ZNF239: variants seen among roughly 807,000 people sequenced by gnomAD.
ZNF239 encodes zinc finger protein (C2H2) homologous to mouse MOK-2.
Under a neutral mutation model 27.5 loss-of-function variants are expected in ZNF239, and 16 were observed. The observed-to-expected ratio is 0.58, with a 90% CI of 0.39 to 0.88. The LOEUF is 0.88. ZNF239 is among the 40% of genes least tolerant of loss of function. ZNF239 has a pLI of 0.00. For synonymous variants in ZNF239, 199 were observed against 192.6 expected (o/e 1.03, Z -0.27); for missense variants, 527 against 551.9 (o/e 0.95, Z 0.45).
intron 3 of ZNF239, among the ~76,000 whole-genome samples, chr10:43,562,550 C>T (rs11238589): frequency 0.027 from 4,042 of 152,174 alleles, 178 homozygotes; most frequent in African/African-American, 0.093. Context: ...TTATTGTTTA[C>T]ATGAGAGAGA....
At chr10:43,568,117 G>C in intron 2 of ZNF239, 96 bp from the exon 3 acceptor site, 2 of 985,618 alleles carry the variant, frequency 2.0e-6, no homozygotes, top group Non-Finnish European at 2.4e-6. Flanking sequence ...AGGTAAGAAA[G>C]GTATAGAAGA....
chr10:43,569,992 G>T (rs1837930873), intron 2 of ZNF239, among the ~76,000 whole-genome samples: 1 of 152,110 alleles, frequency 6.6e-6, no homozygotes. Context: ...ACTTATATCT[G>T]CACAGTGCAT....
chr10:43,557,394 T>G lies in ZNF239; in HGVS notation c.686A>C (p.His229Pro), dbSNP rs771485752. Residue 229 changes from histidine to proline, a missense_variant, in exon 4 of 4, where the codon CAC becomes CCC. His to Pro is a moderately conservative substitution (Grantham distance 77, BLOSUM62 -2). Transcript: ENST00000374446. Reference sequence around the variant, plus strand: ...ACATTTGTAGGGTTTTTCTTCTGTGTGGTCTCTCTGATGAAGTAGTAGCTC... The same window carrying G: ...ACATTTGTAGGGTTTTTCTTCTGTGGGGTCTCTCTGATGAAGTAGTAGCTC... Reference protein sequence around the residue: ...SSELLLHQRDHTEEKPYKCEQ... With the variant: ...SSELLLHQRDPTEEKPYKCEQ... 10 of 1,614,120 alleles carry G rather than the reference T, an allele frequency of 6.2e-6. No homozygotes were observed. The highest frequency in any genetic ancestry group is 8.5e-6 in the Non-Finnish European group (10 of 1,180,054).
In ZNF239 at chr10:43,558,180, C is replaced by T. The variant is rs1316736821; in HGVS notation, c.-92-9G>A. On this transcript the variant is annotated splice_polypyrimidine_tract_variant and intron_variant, in intron 3 of 3. Coordinates refer to ENST00000374446, the MANE Select transcript of ZNF239 (RefSeq NM_001099282.2). The stretch of plus-strand genomic sequence containing the variant: ...ATTTTCATTCAAGTCTCCTAGGGAA[C>T]AAAGACAATTCAGTGGTAAGAACAA... The T allele has an allele frequency of 6.8e-7, 1 of 1,469,908 alleles. No individual in the cohort carries two copies. The highest frequency in any genetic ancestry group is 9.0e-7 in the Non-Finnish European group (1 of 1,109,828). The allele number at this position is 1,469,908 out of a possible 1,614,324, so 91.1% of individuals were successfully genotyped here. A position where few individuals can be genotyped will look rare whatever the true frequency, so the allele number is the denominator to read the frequency against.
At chr10:43,565,820 A>G (rs1309116124) in intron 3 of ZNF239, among the ~76,000 whole-genome samples, 6 of 53,714 alleles carry the variant, frequency 1.1e-4, no homozygotes, top group African/African-American at 4.2e-4. Flanking sequence ...ATCTCAAGAA[A>G]AAAAAAAAAA....
chr10:43,557,585 G>A lies in ZNF239; in HGVS notation c.495C>T (p.Val165=). ...KDIHGWKSQV[V]SCSQQRAHTE... Reference sequence around the variant, plus strand: ...TATGAGCTCTCTGCTGACTACAACTGACCACCTGTGATTTCCATCCATGAA... The same window carrying A: ...TATGAGCTCTCTGCTGACTACAACTAACCACCTGTGATTTCCATCCATGAA... Residue 165 remains valine, a synonymous_variant, in exon 4 of 4, where the codon GTC becomes GTT. Transcript: ENST00000374446. 1 of 1,614,104 alleles carries A rather than the reference G, an allele frequency of 6.2e-7. No individual in the cohort carries two copies. The highest frequency in any genetic ancestry group is 8.5e-7 in the Non-Finnish European group (1 of 1,180,050).
chr10:43,571,974 G>A (rs7101356), intron 2 of ZNF239, among the ~76,000 whole-genome samples: 83,182 of 151,904 alleles, frequency 0.55, 23,009 homozygotes, highest in South Asian at 0.61. Context: ...ACATAAAGAT[G>A]GTCAAGCCCA....
rs760910862 is a variant in ZNF239, at chr10:43,557,700, A to G, written c.380T>C (p.Leu127Pro). The G allele has an allele frequency of 6.2e-7, 1 of 1,614,162 alleles. No individual in the cohort carries two copies. The highest frequency in any genetic ancestry group is 8.5e-7 in the Non-Finnish European group (1 of 1,180,038). The part of the protein sequence containing the change: ...QVKLVSDGQE[L>P]ASPLLNGEAT... ...CTCACCATTTAACAATGGCGAGGCCAGTTCTTGTCCATCAGACACCAGTTT... is the reference window on the plus strand; with the variant it reads ...CTCACCATTTAACAATGGCGAGGCCGGTTCTTGTCCATCAGACACCAGTTT... The change falls in exon 4 of 4, where the codon CTG becomes CCG. Residue 127 changes from leucine (L) to proline (P), a missense_variant. Physicochemically the swap from Leu to Pro is moderately conservative, Grantham distance 98 (BLOSUM62 -3). Coordinates refer to ENST00000374446, the MANE Select transcript of ZNF239 (RefSeq NM_001099282.2).
At chr10:43,564,284 C>T (rs2132268715) in intron 3 of ZNF239, 20 of 984,218 alleles carry the variant, frequency 2.0e-5, no homozygotes, top group Non-Finnish European at 2.4e-5. Context: ...ACTTACTGAC[C>T]GTATAGTAAC....
intron 2 of ZNF239, among the ~76,000 whole-genome samples, chr10:43,571,293 G>A (rs538902166): frequency 1.5e-5 from 2 of 134,966 alleles, no homozygotes; most frequent in South Asian, 2.5e-4. Context: ...GGAAAAGCAG[G>A]AAGAGGCACA....
intron 2 of ZNF239, among the ~76,000 whole-genome samples, chr10:43,571,163 T>A (rs552968927): frequency 6.6e-6 from 1 of 151,688 alleles, no homozygotes; most frequent in Non-Finnish European, 1.5e-5. Context: ...ACAAGTTCAA[T>A]TGTTTCCTGT....
intron 2 of ZNF239, chr10:43,571,003 TAAAGC>T: frequency 1.0e-6 from 1 of 985,166 alleles, no homozygotes; most frequent in Non-Finnish European, 1.2e-6. Flanking sequence ...GTGCTCCTGT[TAAAGC>T]AAGACAAAGG....
At chr10:43,570,139 C>T in intron 2 of ZNF239, 4 of 984,266 alleles carry the variant, frequency 4.1e-6, no homozygotes, top group Non-Finnish European at 4.8e-6. Context: ...CTCCCTCCTT[C>T]CTTGGGCCTG....
intron 3 of ZNF239, among the ~76,000 whole-genome samples, chr10:43,563,692 C>A (rs966615660): frequency 1.3e-5 from 2 of 152,178 alleles, no homozygotes; most frequent in African/African-American, 2.4e-5. Flanking sequence ...TCTCCTATTT[C>A]ATTTTTGTCT....
At position 43,557,057 on chromosome 10, in the gene ZNF239, G is replaced by A; in HGVS notation, c.1023C>T (p.His341=). The A allele has an allele frequency of 6.2e-7, 1 of 1,613,792 alleles. No individual in the cohort carries two copies. The highest frequency in any genetic ancestry group is 1.3e-5 in the African/African-American group (1 of 74,866). ...CACACTTGTAGGGCCTCTCTCCTGT[G>A]TGTACTCGCTGGTGGATGTGCAGGT... ...RSNLHIHQRV[H]TGERPYKCGE... Residue 341 remains histidine, a synonymous_variant, in exon 4 of 4, where the codon CAC becomes CAT. Coordinates refer to ENST00000374446, the MANE Select transcript of ZNF239 (RefSeq NM_001099282.2).
Position 43,557,286 on chromosome 10 carries a change from C to A in ZNF239, c.794G>T (p.Cys265Phe). ...AVHTDEKPYK[C>F]DKCGKGFTRS... ...GGTGAAGCCCTTCCCACACTTGTCA[C>A]ACTTATAAGGCTTCTCATCTGTGTG... Residue 265 changes from cysteine (C) to phenylalanine (F), a missense_variant, in exon 4 of 4, where the codon TGT becomes TTT. Physicochemically the swap from Cys to Phe is radical, Grantham distance 205 (BLOSUM62 -2). Coordinates refer to ENST00000374446, the MANE Select transcript of ZNF239 (RefSeq NM_001099282.2). The A allele has an allele frequency of 6.2e-7, 1 of 1,614,158 alleles. No homozygotes were observed. The highest frequency in any genetic ancestry group is 8.5e-7 in the Non-Finnish European group (1 of 1,180,000).
rs779492850 is a variant in ZNF239 at position 43,557,040 on chromosome 10, T to A, written c.1040A>T (p.Tyr347Phe). The change falls in exon 4 of 4, where the codon TAC becomes TTC. Residue 347 changes from tyrosine to phenylalanine, a missense_variant. Physicochemically the swap from Tyr to Phe is conservative, Grantham distance 22. Coordinates refer to ENST00000374446, the MANE Select transcript of ZNF239 (RefSeq NM_001099282.2). ...GCCCTTCCCACACTCACCACACTTG[T>A]AGGGCCTCTCTCCTGTGTGTACTCG... Reference protein sequence around the residue: ...HQRVHTGERPYKCGECGKGFS... With the variant: ...HQRVHTGERPFKCGECGKGFS... The A allele has an allele frequency of 2.2e-5, 36 of 1,614,036 alleles. No homozygotes were observed. The South Asian group carries it at 3.1e-4, about 14-fold the overall frequency.
At chr10:43,568,607 G>GCC in intron 2 of ZNF239, 2 of 297,844 alleles carry the variant, frequency 6.7e-6, no homozygotes, top group Non-Finnish European at 9.9e-6. Context: ...TATACACACA[G>GCC]CCATAAAACA....
chr10:43,559,346 G>A (rs527357499), intron 3 of ZNF239, among the ~76,000 whole-genome samples: 1 of 152,154 alleles, frequency 6.6e-6, no homozygotes, highest in Non-Finnish European at 1.5e-5. Flanking sequence ...GAAGAAAAAC[G>A]GTAAGGATGA....
Sources: allele counts gnomAD v4.1 joint callset (sites outside exome capture counted in the v4.1 genomes callset), GRCh38; gene constraint gnomAD v4.1.1; transcripts MANE v1.5; gene names NCBI Gene and HGNC (gene_info 2026-07-23, HGNC 2026-07-21).